PIP5K1B: variants seen among roughly 807,000 people sequenced by gnomAD.
The protein encoded by PIP5K1B is phosphatidylinositol 4-phosphate 5-kinase type-1 beta.
A neutral mutation model predicts 67.0 loss-of-function variants in PIP5K1B; 42 were observed. That is an observed-to-expected ratio of 0.63 (90% CI 0.49 to 0.81). PIP5K1B has a LOEUF of 0.81. Ranked by LOEUF, PIP5K1B falls within the 30% of genes least tolerant of loss-of-function variation. PIP5K1B has a pLI of 0.00. For synonymous variants in PIP5K1B, 214 were observed against 231.4 expected (o/e 0.92, Z 0.68); for missense variants, 459 against 646.3 (o/e 0.71, Z 3.14).
At chr9:68,930,861 A>C (rs1826960789) in intron 12 of PIP5K1B, among the ~76,000 whole-genome samples, 1 of 152,180 alleles carries the variant, frequency 6.6e-6, no homozygotes, top group Admixed American at 6.5e-5. Flanking sequence ...CACACAGTAG[A>C]CACTCAATGG....
chr9:68,724,503 G>A (rs148830201), intron 1 of PIP5K1B, among the ~76,000 whole-genome samples: 1 of 152,096 alleles, frequency 6.6e-6, no homozygotes, highest in East Asian at 1.9e-4. Context: ...TTGTTAAATT[G>A]ATATACAGAT....
rs138885637 is a variant in PIP5K1B at position 68,905,524 on chromosome 9, A to T, written c.771+10886A>T. On this transcript the variant is annotated intron_variant, in intron 8 of 15. Coordinates refer to ENST00000265382, the MANE Select transcript of PIP5K1B (RefSeq NM_003558.4). ...AGGAACTTCTGGAAGCTAGTGAGGGACTGAGTTACAGAGATTTAAGGCATA... is the reference window on the plus strand; with the variant it reads ...AGGAACTTCTGGAAGCTAGTGAGGGTCTGAGTTACAGAGATTTAAGGCATA... Among the ~76,000 whole-genome samples, 1,455 of 152,270 alleles carry T rather than the reference A, an allele frequency of 9.6e-3. 14 individuals are homozygous for T. The highest frequency in any genetic ancestry group is 0.016 in the Non-Finnish European group (1,094 of 68,008).
At chr9:68,856,304 GTCTTTCCTCACCACACA>G (rs1822777751) in intron 4 of PIP5K1B, among the ~76,000 whole-genome samples, 1 of 152,116 alleles carries the variant, frequency 6.6e-6, no homozygotes, top group Non-Finnish European at 1.5e-5. Flanking sequence ...AATGTGCTTT[GTCTTTCCTCACCACACA>G]TAGTAATCCA....
chr9:68,755,382 ATATAT>A (rs1176337916), intron 2 of PIP5K1B, among the ~76,000 whole-genome samples: 2 of 152,234 alleles, frequency 1.3e-5, no homozygotes, highest in African/African-American at 2.4e-5. Context: ...AATATCACAA[ATATAT>A]TAGGTGCTAA....
intron 1 of PIP5K1B, among the ~76,000 whole-genome samples, chr9:68,733,436 G>A (rs987364337): frequency 5.3e-5 from 8 of 151,928 alleles, no homozygotes; most frequent in Admixed American, 2.0e-4. Context: ...GCTAACCGCA[G>A]TGCTTCCCAA....
intron 14 of PIP5K1B, among the ~76,000 whole-genome samples, chr9:68,961,913 C>G (rs1828768862): frequency 6.6e-6 from 1 of 152,186 alleles, no homozygotes; most frequent in Non-Finnish European, 1.5e-5. Context: ...TGCTGCTTAA[C>G]CAGACTTTCA....
intron 14 of PIP5K1B, among the ~76,000 whole-genome samples, chr9:68,984,959 G>C (rs1447572885): frequency 6.6e-6 from 1 of 152,218 alleles, no homozygotes; most frequent in Non-Finnish European, 1.5e-5. Context: ...ATGTAACCCA[G>C]GCAAGCCGCT....
At chr9:68,828,370 C>T (rs758150406) in intron 4 of PIP5K1B, among the ~76,000 whole-genome samples, 7 of 152,204 alleles carry the variant, frequency 4.6e-5, no homozygotes, top group African/African-American at 9.6e-5. Flanking sequence ...TTCACTGTGA[C>T]GGGCACACGT....
intron 13 of PIP5K1B, among the ~76,000 whole-genome samples, chr9:68,936,797 T>A (rs1032975176): frequency 1.3e-5 from 2 of 152,148 alleles, no homozygotes; most frequent in African/African-American, 2.4e-5. Context: ...TCTCCTAAGC[T>A]CCCCTGCACT....
chr9:68,844,396 A>T (rs1822078073), intron 4 of PIP5K1B, among the ~76,000 whole-genome samples: 1 of 152,208 alleles, frequency 6.6e-6, no homozygotes. Context: ...CTATTGAGCA[A>T]TCAACTATGC....
At chr9:68,750,719 G>T (rs1212828205) in intron 2 of PIP5K1B, among the ~76,000 whole-genome samples, 2 of 152,190 alleles carry the variant, frequency 1.3e-5, no homozygotes, top group African/African-American at 4.8e-5. Context: ...CAATAAATTA[G>T]TAAATGGTAT....
intron 6 of PIP5K1B, among the ~76,000 whole-genome samples, chr9:68,886,562 G>A (rs1824487835): frequency 3.3e-5 from 5 of 152,130 alleles, no homozygotes; most frequent in Non-Finnish European, 7.4e-5. Context: ...TCTGCAACTC[G>A]AGGAAAAGGA....
intron 14 of PIP5K1B, among the ~76,000 whole-genome samples, chr9:68,987,484 C>T (rs1166257008): frequency 1.3e-5 from 2 of 152,100 alleles, no homozygotes; most frequent in Non-Finnish European, 2.9e-5. Flanking sequence ...ATCACTTGAA[C>T]CTGGGAGGCG....
chr9:68,779,829 CTTTGT>C (rs1278878936), intron 2 of PIP5K1B, among the ~76,000 whole-genome samples: 1 of 152,254 alleles, frequency 6.6e-6, no homozygotes, highest in Non-Finnish European at 1.5e-5. Context: ...TCTTTCAGGG[CTTTGT>C]TTTATGAGTA....
At chr9:68,847,275 C>T (rs2132181955) in intron 4 of PIP5K1B, among the ~76,000 whole-genome samples, 1 of 149,800 alleles carries the variant, frequency 6.7e-6, no homozygotes, top group Non-Finnish European at 1.5e-5. Context: ...TTGGGATAGG[C>T]GGTAAAAGAT....
intron 4 of PIP5K1B, among the ~76,000 whole-genome samples, chr9:68,852,060 C>T (rs574628096): frequency 5.3e-5 from 8 of 152,146 alleles, no homozygotes; most frequent in African/African-American, 1.2e-4. Context: ...CGGGGCCTAT[C>T]GGCAGGTGAG....
At chr9:68,979,222 C>T (rs551674999) in intron 14 of PIP5K1B, among the ~76,000 whole-genome samples, 6 of 152,260 alleles carry the variant, frequency 3.9e-5, no homozygotes, top group South Asian at 4.1e-4. Flanking sequence ...GTCAGACCTA[C>T]GTTCAAATCC....
intron 1 of PIP5K1B, among the ~76,000 whole-genome samples, chr9:68,720,946 C>T (rs148205281): frequency 3.1e-4 from 47 of 152,284 alleles, no homozygotes; most frequent in Non-Finnish European, 3.7e-4. Context: ...AGCTGTATAA[C>T]AGTGATAGCA....
intron 15 of PIP5K1B, among the ~76,000 whole-genome samples, chr9:68,997,713 C>T (rs1030369400): frequency 1.3e-5 from 2 of 152,072 alleles, no homozygotes; most frequent in Middle Eastern, 3.2e-3. Flanking sequence ...TCCCATTGCC[C>T]GAGTCTCACA....
Sources: gnomAD v4.1 joint callset for allele counts (sites outside exome capture counted in the v4.1 genomes callset) on GRCh38, gnomAD v4.1.1 for gene constraint, MANE v1.5 for transcripts, NCBI Gene and HGNC (gene_info 2026-07-23, HGNC 2026-07-21) for gene names.